Variants in COL10A1 observed in about 807,000 individuals in gnomAD.
COL10A1 encodes the protein collagen type X alpha 1 chain, also known as collagen alpha-1(X) chain.
In COL10A1, 10 loss-of-function variants were observed where a neutral mutation model predicts 18.2. That is an observed-to-expected ratio of 0.55 (90% confidence interval 0.34 to 0.93). The LOEUF (loss-of-function observed/expected upper bound fraction) is 0.93. COL10A1 is among the 40% of genes least tolerant of loss of function. The probability of loss-of-function intolerance (pLI) is 0.02; values close to 1 mark genes in which losing one functional copy is unlikely to be tolerated. For missense variants in COL10A1, 897 were observed against 853.5 expected (o/e 1.05, Z -0.64); for synonymous variants, 330 against 316.6 (o/e 1.04, Z -0.45).
chr6:116,154,919 A>G (rs1784198146), intron 1 of COL10A1, among the ~76,000 whole-genome samples: 1 of 152,234 alleles, frequency 6.6e-6, no homozygotes, highest in Non-Finnish European at 1.5e-5. Flanking sequence ...AATAAAAAAC[A>G]TCATTTAGGA....
the COL10A1 span, among the ~76,000 whole-genome samples, chr6:116,208,238 G>A: frequency 6.6e-6 from 1 of 151,836 alleles, no homozygotes; most frequent in East Asian, 1.9e-4. Context: ...AGTCTGCTTT[G>A]CCCGGAGGCA....
intron 1 of COL10A1, among the ~76,000 whole-genome samples, chr6:116,154,419 C>A (rs1202874473): frequency 6.6e-6 from 1 of 152,052 alleles, no homozygotes; most frequent in African/African-American, 2.4e-5. Flanking sequence ...TCTTACCTGG[C>A]CCCTGACAAC....
chr6:116,121,638 G>C lies in COL10A1; in HGVS notation c.478C>G (p.Gln160Glu). The change falls in exon 3 of 3, where the codon CAA (glutamine) becomes GAA (glutamate). Residue 160 changes from glutamine (Q) to glutamate (E), a missense_variant. Gln to Glu is a conservative substitution (Grantham distance 29). Transcript: ENST00000651968. ...CCTGGGGCTCCTGTGGGTCCCTGTT[G>C]TCCAGGTTTTCCTGGCACAGAAATT... ...AGISVPGKPG[Q>E]QGPTGAPGPR... The C allele has an allele frequency of 1.2e-6, 2 of 1,613,896 alleles. No homozygotes were observed. The highest frequency in any genetic ancestry group is 2.2e-5 in the South Asian group (2 of 91,064).
the COL10A1 span, among the ~76,000 whole-genome samples, chr6:116,197,691 C>T: frequency 2.6e-5 from 4 of 152,006 alleles, no homozygotes; most frequent in Non-Finnish European, 5.9e-5. Context: ...CTTTTAAGTT[C>T]CACATGTGAA....
At chr6:116,162,903 A>G (rs1780368119), upstream of COL10A1, among the ~76,000 whole-genome samples, 1 of 151,938 alleles carries the variant, frequency 6.6e-6, no homozygotes, top group African/African-American at 2.4e-5. Flanking sequence ...CAAGGCGGGC[A>G]GATCACGAGG....
the COL10A1 span, among the ~76,000 whole-genome samples, chr6:116,164,954 G>A: frequency 2.0e-5 from 3 of 152,082 alleles, no homozygotes; most frequent in Admixed American, 6.6e-5. Context: ...AAAAATTAGC[G>A]GACATGGTGG....
intron 1 of COL10A1, among the ~76,000 whole-genome samples, chr6:116,138,655 G>A (rs1452998061): frequency 6.6e-6 from 1 of 152,132 alleles, no homozygotes. Flanking sequence ...TTAAAAGGCA[G>A]AATAGTATGA....
chr6:116,180,556 AAGAAACATTC>A, the COL10A1 span, among the ~76,000 whole-genome samples: 1 of 152,230 alleles, frequency 6.6e-6, no homozygotes, highest in South Asian at 2.1e-4. Flanking sequence ...ATCACAAAGA[AAGAAACATTC>A]AGCCATTTTG....
At chr6:116,176,203 A>G in the COL10A1 span, among the ~76,000 whole-genome samples, 1 of 152,270 alleles carries the variant, frequency 6.6e-6, no homozygotes, top group South Asian at 2.1e-4. Flanking sequence ...CCTAGTGCTT[A>G]GGGATGCTGT....
intron 1 of COL10A1, chr6:116,137,045 C>T: frequency 1.0e-5 from 2 of 195,096 alleles, no homozygotes; most frequent in South Asian, 1.1e-4. Flanking sequence ...TAAGTCCTTG[C>T]AGTGACTTCA....
At chr6:116,148,925 T>G (rs551692333) in intron 1 of COL10A1, among the ~76,000 whole-genome samples, 81 of 152,232 alleles carry the variant, frequency 5.3e-4, no homozygotes, top group Non-Finnish European at 8.4e-4. Context: ...AAGTTACAGC[T>G]TATTCCAAGA....
At chr6:116,136,146 T>A (rs1350303618) in intron 1 of COL10A1, among the ~76,000 whole-genome samples, 1 of 151,974 alleles carries the variant, frequency 6.6e-6, no homozygotes, top group Non-Finnish European at 1.5e-5. Context: ...TTCTATGAAT[T>A]TTGACTTTTT....
intron 1 of COL10A1, among the ~76,000 whole-genome samples, chr6:116,141,989 T>G (rs1779778214): frequency 6.6e-6 from 1 of 151,804 alleles, no homozygotes; most frequent in Non-Finnish European, 1.5e-5. Context: ...AGGAAAATTT[T>G]GACAAAGTTA....
At position 116,121,443 on chromosome 6, in the gene COL10A1, T is replaced by C; in HGVS notation, c.673A>G (p.Asn225Asp). 6.2e-7 allele frequency: 1 copy of C among 1,613,992 alleles called. No individual in the cohort carries two copies. The highest frequency in any genetic ancestry group is 1.1e-5 in the South Asian group (1 of 91,070). The part of the protein sequence containing the change: ...GPPGVGKRGE[N>D]GVPGQPGIKG... ...ATGCCTGGCTGTCCTGGAACCCCAT[T>C]TTCACCTCTTTTTCCCACTCCAGGA... Residue 225 changes from asparagine to aspartate, a missense_variant, in exon 3 of 3, where the codon AAT becomes GAT. Coordinates refer to ENST00000651968, the MANE Select transcript of COL10A1 (RefSeq NM_000493.4).
the COL10A1 span, among the ~76,000 whole-genome samples, chr6:116,199,825 T>C: frequency 6.6e-6 from 1 of 152,034 alleles, no homozygotes; most frequent in African/African-American, 2.4e-5. Context: ...GAGTCTGGTA[T>C]AAATAAGTGA....
chr6:116,195,600 C>T, the COL10A1 span, among the ~76,000 whole-genome samples: 5 of 151,966 alleles, frequency 3.3e-5, no homozygotes, highest in African/African-American at 9.7e-5. Flanking sequence ...TCTGCTCCCT[C>T]CCTCAAATGT....
At chr6:116,149,526 A>C (rs1779982700) in intron 1 of COL10A1, among the ~76,000 whole-genome samples, 1 of 152,214 alleles carries the variant, frequency 6.6e-6, no homozygotes, top group Admixed American at 6.5e-5. Flanking sequence ...AGCTTTCAAA[A>C]CAGAATGGTA....
chr6:116,122,100 G>A (rs900544927), intron 2 of COL10A1, 139 bp from the exon 3 acceptor site: 8 of 865,216 alleles, frequency 9.2e-6, no homozygotes, highest in Non-Finnish European at 1.5e-5. Flanking sequence ...AGTCTGAAAT[G>A]GTTTTAGATT....
rs118112281 is a variant in COL10A1 at position 116,125,714 on chromosome 6, A to C, written c.-15-207T>G. 1,945 of 401,222 alleles carry C rather than the reference A, an allele frequency of 4.8e-3. 7 individuals carry two copies. The highest frequency in any genetic ancestry group is 6.4e-3 in the Non-Finnish European group (1,422 of 221,544). The allele number at this position is 401,222 out of a possible 1,614,324, so 24.9% of individuals were successfully genotyped here. On this transcript the variant is annotated intron_variant, in intron 1 of 2. Transcript: ENST00000651968. Reference sequence around the variant, plus strand: ...TATTTTTGGAAGCTATACTCAGGTAATCAAGTGAAAATAAAATGATTTACC... The same window carrying C: ...TATTTTTGGAAGCTATACTCAGGTACTCAAGTGAAAATAAAATGATTTACC...
Sources: gnomAD v4.1 joint callset for allele counts (sites outside exome capture counted in the v4.1 genomes callset) on GRCh38, gnomAD v4.1.1 for gene constraint, MANE v1.5 for transcripts, NCBI Gene and HGNC (gene_info 2026-07-23, HGNC 2026-07-21) for gene names.